Variants in BRD4 observed in about 807,000 individuals in gnomAD.
BRD4 encodes bromodomain-containing protein 4.
In BRD4, 16 loss-of-function variants were observed where a neutral mutation model predicts 142.1. The observed-to-expected ratio is 0.11, with a 90% confidence interval of 0.08 to 0.17. The LOEUF is 0.17. BRD4 is among the 10% of genes least tolerant of loss of function. The pLI is 1.00. For missense variants in BRD4, 1,424 were observed against 1,810.9 expected (o/e 0.79, Z 3.88); for synonymous variants, 833 against 707.5 (o/e 1.18, Z -2.82).
chr19:15,311,152 A>G (rs2047966881), intron 1 of BRD4, among the ~76,000 whole-genome samples: 1 of 152,030 alleles, frequency 6.6e-6, no homozygotes, highest in African/African-American at 2.4e-5. Context: ...TTAGCCAGGC[A>G]TGGTGGCAAG....
At chr19:15,315,893 T>C (rs956542137) in intron 1 of BRD4, among the ~76,000 whole-genome samples, 1 of 151,360 alleles carries the variant, frequency 6.6e-6, no homozygotes, top group Non-Finnish European at 1.5e-5. Flanking sequence ...CCATGGCTCA[T>C]GCCTGTAATC....
chr19:15,307,242 A>T (rs1247466593), intron 1 of BRD4, among the ~76,000 whole-genome samples: 1 of 152,176 alleles, frequency 6.6e-6, no homozygotes, highest in Non-Finnish European at 1.5e-5. Context: ...ACCTTCAGTG[A>T]AGTAAGAGCG....
In BRD4 at chr19:15,265,595, G is replaced by A. The variant is rs1266879236; in HGVS notation, c.608C>T (p.Ser203Leu). The A allele has an allele frequency of 5.0e-6, 8 of 1,614,110 alleles. No individual in the cohort carries two copies. Among genetic ancestry groups the A allele is most frequent in the Middle Eastern group, 1.7e-4 (1 of 6,060 alleles). The change falls in exon 5 of 20, where the codon TCG becomes TTG. Residue 203 changes from serine (S) to leucine (L), a missense_variant. By Grantham distance (145) the Ser-to-Leu change is moderately radical. Around this residue, in one of 16 missense-constraint regions of BRD4, gnomAD observed 140 missense variants for 131.7 expected, o/e 1.06. Coordinates refer to ENST00000679869, the MANE Select transcript of BRD4 (RefSeq NM_001379291.1). The part of the protein sequence containing the change: ...VSTVPNTTQA[S>L]TPPQTQTPQP... ...AGGGGTCTGGGTCTGCGGAGGAGTC[G>A]ATGCTTGAGTTGTGTTTGGTACCGT...
chr19:15,266,270 G>A (rs1435695677), intron 4 of BRD4, among the ~76,000 whole-genome samples: 3 of 152,252 alleles, frequency 2.0e-5, no homozygotes, highest in African/African-American at 4.8e-5. Context: ...ACCAGGGTGA[G>A]AATGTCTAGG....
intron 11 of BRD4, chr19:15,249,422 C>A: frequency 6.7e-7 from 1 of 1,488,516 alleles, no homozygotes; most frequent in South Asian, 1.2e-5. Context: ...AAGAACGGCA[C>A]TGGAGACTGG....
intron 1 of BRD4, among the ~76,000 whole-genome samples, chr19:15,300,891 A>T (rs2047861610): frequency 2.0e-5 from 3 of 152,246 alleles, no homozygotes. Context: ...AAAGCTAAAC[A>T]TGTATTTATT....
Position 15,309,882 on chromosome 19 carries a change from G to C in BRD4, c.-35+22408C>G, listed in dbSNP as rs779200371. ...AAGGACAAAGCAATCAAGTCATCCA[G>C]GCACAAGTCACAGAACACTGAGTGC... On this transcript the variant is annotated intron_variant, in intron 1 of 19. Transcript: ENST00000679869. Among the ~76,000 whole-genome samples the C allele has an allele frequency of 3.3e-5, 5 of 152,134 alleles. No individual in the cohort carries two copies. In the South Asian group the frequency reaches 6.2e-4, roughly 19 times the overall value.
intron 7 of BRD4, among the ~76,000 whole-genome samples, chr19:15,261,671 T>A (rs1330116075): frequency 1.3e-5 from 2 of 152,112 alleles, no homozygotes; most frequent in Non-Finnish European, 2.9e-5. Flanking sequence ...CCAGGTGCCG[T>A]GGCTCATGCC....
At chr19:15,323,737 G>A (rs775287064) in intron 1 of BRD4, among the ~76,000 whole-genome samples, 1 of 152,126 alleles carries the variant, frequency 6.6e-6, no homozygotes. Flanking sequence ...ACTAACAGCA[G>A]CTAGGAACAA....
intron 1 of BRD4, among the ~76,000 whole-genome samples, chr19:15,331,612 CCTCCGCAGGGGACCTGCCCCTTT>C (rs1404863425): frequency 6.6e-6 from 1 of 152,166 alleles, no homozygotes; most frequent in Non-Finnish European, 1.5e-5. Flanking sequence ...CAGCCACCTC[CCTCCGCAGGGGACCTGCCCCTTT>C]CTCCGCAGCA....
chr19:15,264,613 C>T lies in BRD4; in HGVS notation c.1003G>A (p.Val335Met), dbSNP rs202072383. 12 of 1,614,118 alleles carry T rather than the reference C, an allele frequency of 7.4e-6. No individual in the cohort carries two copies. Among genetic ancestry groups the T allele is most frequent in the Admixed American group, 5.0e-5 (3 of 60,024 alleles). The change falls in exon 6 of 20, where the codon GTG becomes ATG. Residue 335 changes from valine to methionine, a missense_variant. By Grantham distance (21) the Val-to-Met change is conservative. Transcript: ENST00000679869. Reference sequence around the variant, plus strand: ...GCTGGGTGCTGCTGAGAGTCGGGCACGTCCTTCTTTGGAGGTTTCACAGGC... The same window carrying T: ...GCTGGGTGCTGCTGAGAGTCGGGCATGTCCTTCTTTGGAGGTTTCACAGGC... ...SRPVKPPKKDVPDSQQHPAPE... is the reference protein window; with the variant it reads ...SRPVKPPKKDMPDSQQHPAPE...
At chr19:15,262,489 G>C (rs1285461843) in intron 7 of BRD4, among the ~76,000 whole-genome samples, 1 of 133,876 alleles carries the variant, frequency 7.5e-6, no homozygotes, top group Non-Finnish European at 1.5e-5. Context: ...AGGGGTTCCA[G>C]ACCAGCCTGT....
intron 1 of BRD4, among the ~76,000 whole-genome samples, chr19:15,283,331 G>C (rs746287246): frequency 6.6e-6 from 1 of 152,190 alleles, no homozygotes; most frequent in Non-Finnish European, 1.5e-5. Flanking sequence ...GTGTCAATCA[G>C]AAAATTTCTC....
chr19:15,288,544 C>A (rs544368259), intron 1 of BRD4, among the ~76,000 whole-genome samples: 1 of 152,388 alleles, frequency 6.6e-6, no homozygotes, highest in African/African-American at 2.4e-5. Context: ...ACTGCAGACA[C>A]TGCCCTAAGC....
chr19:15,316,423 C>G (rs2048018889), intron 1 of BRD4, among the ~76,000 whole-genome samples: 1 of 151,896 alleles, frequency 6.6e-6, no homozygotes, highest in Non-Finnish European at 1.5e-5. Flanking sequence ...AACCCTGTCT[C>G]TAATAAAAAT....
At chr19:15,245,413 G>A (rs145788416) in intron 11 of BRD4, among the ~76,000 whole-genome samples, 3 of 152,264 alleles carry the variant, frequency 2.0e-5, no homozygotes, top group Admixed American at 6.5e-5. Flanking sequence ...CTGGCCTCCT[G>A]GGAATGACCA....
Position 15,238,345 on chromosome 19 carries a change from G to A in BRD4, c.*32C>T, listed in dbSNP as rs373651760. On this transcript the variant is annotated 3_prime_UTR_variant, in exon 20 of 20. Transcript: ENST00000679869. The surrounding 1 kb of genome is among the most constrained non-coding windows in gnomAD (Gnocchi z 7.2). The stretch of plus-strand genomic sequence containing the variant: ...ACTATGGAAAGTCAATGTTTTGCCA[G>A]AAAATCAAAGTCAGAAGCCACCTAG... The A allele has an allele frequency of 4.3e-6, 7 of 1,613,380 alleles. No homozygotes were observed. The African/African-American group carries it at 9.3e-5, about 22-fold the overall frequency.
intron 1 of BRD4, among the ~76,000 whole-genome samples, chr19:15,301,310 C>G (rs1028602183): frequency 6.6e-6 from 1 of 152,186 alleles, no homozygotes; most frequent in Admixed American, 6.5e-5. Flanking sequence ...CGCCTGTAAT[C>G]CCAGCACTTT....
chr19:15,274,138 CA>C (rs903625818), intron 1 of BRD4, among the ~76,000 whole-genome samples: 1 of 152,198 alleles, frequency 6.6e-6, no homozygotes, highest in African/African-American at 2.4e-5. Flanking sequence ...ACACAAGCCA[CA>C]TATCAGCTTG....
Sources: allele counts gnomAD v4.1 joint callset (sites outside exome capture counted in the v4.1 genomes callset), GRCh38; gene constraint gnomAD v4.1.1; regional missense constraint gnomAD v4.1.1; non-coding constraint Gnocchi (gnomAD v3.1); transcripts MANE v1.5; gene names NCBI Gene and HGNC (gene_info 2026-07-23, HGNC 2026-07-21).